Variants in SIDT2 observed in about 807,000 individuals in gnomAD.
The protein encoded by SIDT2 is SID1 transmembrane family, member 2.
Under a neutral mutation model 114.4 loss-of-function variants are expected in SIDT2, and 68 were observed. The observed-to-expected ratio is 0.59, with a 90% CI of 0.49 to 0.73. The LOEUF is 0.73. SIDT2 is among the 30% of genes least tolerant of loss of function. The pLI is 0.00. For missense variants in SIDT2, 918 were observed against 1,097.1 expected, an observed-to-expected ratio of 0.84 and a Z score of 2.31; for synonymous variants, 470 against 438.4, an observed-to-expected ratio of 1.07 and a Z score of -0.90.
At chr11:117,185,755 G>A (rs1231537620) in intron 8 of SIDT2, among the ~76,000 whole-genome samples, 1 of 151,834 alleles carries the variant, frequency 6.6e-6, no homozygotes, top group African/African-American at 2.4e-5. Flanking sequence ...GCACACATCT[G>A]TAGTCCCAGC....
chr11:117,193,638 G>A (rs1190246252), intron 23 of SIDT2, among the ~76,000 whole-genome samples: 6 of 152,142 alleles, frequency 3.9e-5, no homozygotes, highest in African/African-American at 1.2e-4. Context: ...GCACTGTCCC[G>A]ACACAGGGTT....
Position 117,179,453 on chromosome 11 carries a change from G to A in SIDT2, c.183+7G>A. The stretch of plus-strand genomic sequence containing the variant: ...TACTGTGACCCGCAACAGGGTGAGG[G>A]CTGGGGGCTTAGGGGCCAGAGGCGA... On this transcript the variant is annotated splice_region_variant and intron_variant, in intron 1 of 25. Transcript: ENST00000324225. 1.9e-6 allele frequency: 3 copies of A among 1,610,592 alleles called. No homozygotes were observed. Among genetic ancestry groups the A allele is most frequent in the Middle Eastern group, 1.7e-4 (1 of 6,048 alleles).
intron 13 of SIDT2, 99 bp from the exon 14 acceptor site, chr11:117,189,070 G>A (rs917970145): frequency 8.9e-5 from 113 of 1,267,536 alleles, no homozygotes; most frequent in Admixed American, 6.1e-4. Context: ...CCCTGAATTC[G>A]GCCCTGTGTG....
chr11:117,192,264 A>C lies in SIDT2; in HGVS notation c.1883A>C (p.Lys628Thr), dbSNP rs770120198. 1 of 1,609,190 alleles carries C rather than the reference A, an allele frequency of 6.2e-7. No individual in the cohort carries two copies. The highest frequency in any genetic ancestry group is 8.5e-7 in the Non-Finnish European group (1 of 1,175,652). ...FFSVLGVVFG[K>T]GNTAFWIVFS... Reference sequence around the variant, plus strand: ...GTGGCCTCCCGACAGGTCTTTGGCAAAGGGAACACGGCGTTCTGGATCGTC... The same window carrying C: ...GTGGCCTCCCGACAGGTCTTTGGCACAGGGAACACGGCGTTCTGGATCGTC... The change falls in exon 20 of 26, where the codon AAA becomes ACA. Residue 628 changes from lysine (K) to threonine (T), a missense_variant. Physicochemically the swap from Lys to Thr is moderately conservative, Grantham distance 78. Coordinates refer to ENST00000324225, the MANE Select transcript of SIDT2 (RefSeq NM_001040455.2). This position sits in a 1 kb window ranked among gnomAD's most constrained non-coding sequence, Gnocchi z 5.9.
chr11:117,187,792 C>G, intron 12 of SIDT2, 93 bp downstream of exon 12: 1 of 1,228,358 alleles, frequency 8.1e-7, no homozygotes, highest in South Asian at 1.2e-5. Flanking sequence ...CTGCCAGATG[C>G]TGGAACCTGG....
chr11:117,183,504 G>T lies in SIDT2; in HGVS notation c.703-275G>T, dbSNP rs1351524830. Reference sequence around the variant, plus strand: ...AACATAAAAATTAGCTGGGCGTGGTGATGGACGCCTGTAATCCCAGCTACT... The same window carrying T: ...AACATAAAAATTAGCTGGGCGTGGTTATGGACGCCTGTAATCCCAGCTACT... On this transcript the variant is annotated intron_variant, in intron 6 of 25. Coordinates refer to ENST00000324225, the MANE Select transcript of SIDT2 (RefSeq NM_001040455.2). Among the ~76,000 whole-genome samples, 5 of 152,224 alleles carry T rather than the reference G, an allele frequency of 3.3e-5. No individual in the cohort carries two copies. The South Asian group carries it at 6.2e-4, about 19-fold the overall frequency.
chr11:117,182,518 G>C lies in SIDT2; in HGVS notation c.517-1G>C, dbSNP rs1195473378. The C allele has an allele frequency of 3.1e-6, 5 of 1,613,498 alleles. No individual in the cohort carries two copies. The highest frequency in any genetic ancestry group is 4.2e-6 in the Non-Finnish European group (5 of 1,179,382). ...CTCTCCCTTCCTTCCTGCACCCTCA[G>C]TACTTCAAGTATGAGTTCCCTGAAG... is the stretch of plus-strand genomic sequence containing the variant. On this transcript the variant is annotated splice_acceptor_variant, in intron 4 of 25. Transcript: ENST00000324225. LOFTEE classifies it high-confidence loss of function.
chr11:117,192,695 T>A lies in SIDT2; in HGVS notation c.2058+45T>A. The A allele has an allele frequency of 6.2e-7, 1 of 1,612,426 alleles. No individual in the cohort carries two copies. Among genetic ancestry groups the A allele is most frequent in the Non-Finnish European group, 8.5e-7 (1 of 1,179,296 alleles). ...GCTCCATTCTCCACATCTCCTTTCT[T>A]CCCTCTGATGGGGGAGTGGGGCTGG... On this transcript the variant is annotated intron_variant, in intron 21 of 25. Coordinates refer to ENST00000324225, the MANE Select transcript of SIDT2 (RefSeq NM_001040455.2). The surrounding 1 kb of genome is among the most constrained non-coding windows in gnomAD (Gnocchi z 5.9).
In SIDT2 at chr11:117,188,789, C is replaced by G; in HGVS notation, c.1241C>G (p.Thr414Ser). Reference protein sequence around the residue: ...SVEEDDYDTLTDIDSDKNVIR... With the variant: ...SVEEDDYDTLSDIDSDKNVIR... Reference sequence around the variant, plus strand: ...GAGGAGGATGACTACGACACATTGACCGACATCGATTCCGACAAGAATGTC... The same window carrying G: ...GAGGAGGATGACTACGACACATTGAGCGACATCGATTCCGACAAGAATGTC... Residue 414 changes from threonine (T) to serine (S), a missense_variant, in exon 13 of 26, where the codon ACC (threonine) becomes AGC (serine). Thr to Ser is a moderately conservative substitution (Grantham distance 58). Around this residue, in one of 4 missense-constraint regions of SIDT2, gnomAD observed 553 missense variants for 600.1 expected, o/e 0.92. Transcript: ENST00000324225. This position sits in a 1 kb window ranked among gnomAD's most constrained non-coding sequence, Gnocchi z 4.0. 6.2e-7 allele frequency: 1 copy of G among 1,614,154 alleles called. No homozygotes were observed. Among genetic ancestry groups the G allele is most frequent in the Non-Finnish European group, 8.5e-7 (1 of 1,180,022 alleles).
At chr11:117,186,878 G>A (rs775728836) in intron 10 of SIDT2, 71 of 1,295,700 alleles carry the variant, frequency 5.5e-5, no homozygotes, top group Admixed American at 7.9e-5. Context: ...GTGTCTGCCT[G>A]CCTTGGGCAG....
intron 10 of SIDT2, chr11:117,187,080 G>A: frequency 1.4e-6 from 2 of 1,458,212 alleles, no homozygotes; most frequent in African/African-American, 2.8e-5. Context: ...CTGTCTGGAG[G>A]GCTCGTGGGC....
intron 2 of SIDT2, 55 bp downstream of exon 2, chr11:117,181,592 G>A: frequency 6.2e-7 from 1 of 1,608,600 alleles, no homozygotes; most frequent in Non-Finnish European, 8.5e-7. Flanking sequence ...GTCCTTGGCT[G>A]GAGCCTCAAC....
chr11:117,179,586 A>G lies in SIDT2; in HGVS notation c.183+140A>G, dbSNP rs1591764281. On this transcript the variant is annotated intron_variant, in intron 1 of 25. Transcript: ENST00000324225. ...TTCCCAGTTCCCAGAACCACACTGG[A>G]GCCTCTTGACCAGTCCTCCTTCCTT... The G allele has an allele frequency of 4.9e-6, 4 of 814,430 alleles. No homozygotes were observed. The East Asian group carries it at 1.1e-4, about 22-fold the overall frequency. The allele number at this position is 814,430 out of a possible 1,614,324, so 50.5% of individuals were successfully genotyped here.
In SIDT2 at chr11:117,187,839, C is replaced by T. The variant is rs193258566; in HGVS notation, c.1159+140C>T. On this transcript the variant is annotated intron_variant, in intron 12 of 25. Coordinates refer to ENST00000324225, the MANE Select transcript of SIDT2 (RefSeq NM_001040455.2). ...TGTCTTCCTAACCCCTCTCTTCCCT[C>T]ATCCCCTCCTCCTTGGCCCCAGTTC... The T allele has an allele frequency of 2.1e-5, 17 of 802,242 alleles. No homozygotes were observed. In the Admixed American group the frequency reaches 3.2e-4, roughly 15 times the overall value. 49.7% of individuals were successfully genotyped at this position (802,242 alleles called of 1,614,324 possible). A position where few individuals can be genotyped will look rare whatever the true frequency, so the allele number is the denominator to read the frequency against.
At chr11:117,179,680 C>A in intron 1 of SIDT2, 2 of 519,826 alleles carry the variant, frequency 3.8e-6, no homozygotes, top group East Asian at 6.4e-5. Context: ...ATCTTCTCTT[C>A]CGCCCCCATT....
In SIDT2 at chr11:117,188,289, A is replaced by G. The variant is rs1254658470; in HGVS notation, c.1160-419A>G. The G allele has an allele frequency of 6.3e-6, 2 of 317,150 alleles. No individual in the cohort carries two copies. Among genetic ancestry groups the G allele is most frequent in the Non-Finnish European group, 1.2e-5 (2 of 163,534 alleles). 19.6% of individuals were successfully genotyped at this position (317,150 alleles called of 1,614,324 possible). A position where few individuals can be genotyped will look rare whatever the true frequency, so the allele number is the denominator to read the frequency against. ...AATGCTCTTTCTGCACCCCAGGCCC[A>G]CTGGGTCTTTAACCCAGTGGCAGCC... On this transcript the variant is annotated intron_variant, in intron 12 of 25. Coordinates refer to ENST00000324225, the MANE Select transcript of SIDT2 (RefSeq NM_001040455.2). This position sits in a 1 kb window ranked among gnomAD's most constrained non-coding sequence, Gnocchi z 4.0.
chr11:117,189,581 T>G, intron 15 of SIDT2, 180 bp downstream of exon 15: 2 of 660,052 alleles, frequency 3.0e-6, no homozygotes, highest in South Asian at 3.9e-5. Context: ...GAGTGTCAGT[T>G]TCTTCATCTG....
intron 23 of SIDT2, 69 bp from the exon 24 acceptor site, chr11:117,193,784 G>A (rs1249809251): frequency 1.0e-5 from 12 of 1,155,854 alleles, no homozygotes; most frequent in Non-Finnish European, 1.6e-5. Flanking sequence ...TCTGGGAAAG[G>A]CTGGGTGGGA....
chr11:117,181,132 T>C (rs972775758), intron 1 of SIDT2, among the ~76,000 whole-genome samples: 4 of 152,084 alleles, frequency 2.6e-5, no homozygotes, highest in Non-Finnish European at 4.4e-5. Flanking sequence ...TCCTGGAGAC[T>C]CGCAAGGCCT....
Sources: gnomAD v4.1 joint callset for allele counts (sites outside exome capture counted in the v4.1 genomes callset) on GRCh38, gnomAD v4.1.1 for gene constraint, gnomAD v4.1.1 regional missense constraint, Gnocchi (gnomAD v3.1) non-coding constraint, MANE v1.5 for transcripts, NCBI Gene and HGNC (gene_info 2026-07-23, HGNC 2026-07-21) for gene names.